The following OGG1 variants were observed in gnomAD, a reference collection of about 807,000 sequenced individuals.
OGG1 encodes the protein 8-oxoguanine DNA glycosylase, also known as N-glycosylase/DNA lyase.
In OGG1, 35 loss-of-function variants were observed where a neutral mutation model predicts 42.3. The observed-to-expected ratio is 0.83, with a 90% CI of 0.63 to 1.10. The LOEUF is 1.10. Ranked by LOEUF, OGG1 falls within the 50% of genes least tolerant of loss-of-function variation. OGG1 has a pLI of 0.00. For synonymous variants in OGG1, 189 were observed against 179.0 expected (o/e 1.06, Z -0.44); for missense variants, 484 against 446.7 (o/e 1.08, Z -0.75).
At chr3:9,760,504 G>GA, downstream of OGG1, 1 of 679,398 alleles carries the variant, frequency 1.5e-6, no homozygotes, top group Non-Finnish European at 2.6e-6. Flanking sequence ...CAAGCAGAAG[G>GA]AAGAAGGGGT....
chr3:9,761,406 G>A (rs1575232683), downstream of OGG1: 2 of 1,552,270 alleles, frequency 1.3e-6, no homozygotes. Flanking sequence ...AGAGAGGAAA[G>A]TAGGCGAGAG....
downstream of OGG1, chr3:9,757,484 G>T: frequency 6.2e-7 from 1 of 1,603,294 alleles, no homozygotes. This position sits in a 1 kb window ranked among gnomAD's most constrained non-coding sequence, Gnocchi z 4.5. Context: ...GGGAAGGGGA[G>T]CAGGCTGCCC....
exon 8 of OGG1, chr3:9,765,841 G>C (rs1442415037): frequency 1.2e-6 from 2 of 1,614,000 alleles, no homozygotes; most frequent in Non-Finnish European, 1.7e-6. Flanking sequence ...ATGGCCACCA[G>C]CTTCTGCGTC....
At chr3:9,766,227 A>C in exon 8 of OGG1, 1 of 722,178 alleles carries the variant, frequency 1.4e-6, no homozygotes, top group Non-Finnish European at 2.5e-6. Context: ...CTTGGGAATG[A>C]AATTAACACA....
At chr3:9,775,517 C>T (rs979909999) in intron 2 of OGG1, among the ~76,000 whole-genome samples, 3 of 152,158 alleles carry the variant, frequency 2.0e-5, no homozygotes, top group Non-Finnish European at 2.9e-5. Context: ...TCTGAGAGTG[C>T]TTTCTGCTCA....
chr3:9,762,600 G>C (rs1354882460), intron 7 of OGG1, among the ~76,000 whole-genome samples: 1 of 151,964 alleles, frequency 6.6e-6, no homozygotes, highest in African/African-American at 2.4e-5. Context: ...ACTGACCTCA[G>C]GTGATCCACC....
At chr3:9,775,214 G>C (rs1000011737) in intron 2 of OGG1, among the ~76,000 whole-genome samples, 1 of 151,822 alleles carries the variant, frequency 6.6e-6, no homozygotes, top group African/African-American at 2.4e-5. Flanking sequence ...ACTCCAGCCT[G>C]GGCAACAGAG....
At chr3:9,761,774 G>A, downstream of OGG1, 1 of 1,613,798 alleles carries the variant, frequency 6.2e-7, no homozygotes, top group Non-Finnish European at 8.5e-7. Flanking sequence ...GGGCAGGAGG[G>A]AAGAGAAGGG....
intron 2 of OGG1, chr3:9,780,544 G>T: frequency 6.2e-7 from 1 of 1,601,084 alleles, no homozygotes; most frequent in Non-Finnish European, 8.5e-7. Context: ...CTCCTCCTTT[G>T]CCAGCCTGTG....
intron 4 of OGG1, 31 bp downstream of exon 4, chr3:9,754,916 T>C: frequency 6.5e-7 from 1 of 1,546,034 alleles, no homozygotes; most frequent in Non-Finnish European, 8.8e-7. Flanking sequence ...AGCTGCCCTC[T>C]CTACTGACAC....
intron 2 of OGG1, among the ~76,000 whole-genome samples, chr3:9,772,625 A>G (rs758953564): frequency 2.0e-5 from 3 of 152,172 alleles, no homozygotes; most frequent in East Asian, 3.9e-4. Flanking sequence ...CCAATTTCCT[A>G]TCTCATTCTC....
downstream of OGG1, chr3:9,761,675 G>A (rs780569645): frequency 1.6e-5 from 26 of 1,614,000 alleles, no homozygotes; most frequent in South Asian, 1.4e-4. Context: ...CACACTGCCC[G>A]GGTCCTCCAT....
intron 3 of OGG1, among the ~76,000 whole-genome samples, chr3:9,753,852 G>A (rs2077418989): frequency 6.6e-6 from 1 of 152,232 alleles, no homozygotes; most frequent in Non-Finnish European, 1.5e-5. Context: ...AGAGCACGGC[G>A]TTAGCCAGGT....
At chr3:9,750,650 C>A (rs1559679379) in intron 1 of OGG1, 1 of 721,186 alleles carries the variant, frequency 1.4e-6, no homozygotes, top group East Asian at 2.7e-5. Context: ...ACTTGTTTTT[C>A]TTTTTTTGAG....
chr3:9,785,107 T>C (rs1411365371), intron 3 of OGG1, among the ~76,000 whole-genome samples: 1 of 152,190 alleles, frequency 6.6e-6, no homozygotes, highest in Admixed American at 6.5e-5. Flanking sequence ...ATTTGGGTTA[T>C]TTATGGTATG....
chr3:9,749,981 C>A lies in OGG1; in HGVS notation c.-306C>A. ...GTGCTGTGGTCTGCCCCTGGAGAAC[C>A]CAGAAGAACACAGCTGTGCGCGCCC... On this transcript the variant is annotated 5_prime_UTR_variant, in exon 1 of 7. Transcript: ENST00000344629. The A allele has an allele frequency of 1.2e-5, 5 of 427,356 alleles. No individual in the cohort carries two copies. In the South Asian group the frequency reaches 1.7e-4, roughly 15 times the overall value. The allele number at this position is 427,356 out of a possible 1,614,324, so 26.5% of individuals were successfully genotyped here.
chr3:9,775,679 G>A (rs974560604), intron 2 of OGG1, among the ~76,000 whole-genome samples: 15 of 148,578 alleles, frequency 1.0e-4, no homozygotes, highest in African/African-American at 2.2e-4. Flanking sequence ...TCACTCTGTC[G>A]CCCAGGCTTG....
At chr3:9,763,979 T>TC (rs746656760) in intron 7 of OGG1, among the ~76,000 whole-genome samples, 2 of 151,826 alleles carry the variant, frequency 1.3e-5, no homozygotes, top group African/African-American at 2.4e-5. Flanking sequence ...AGAGCAAAAC[T>TC]CCATCTCAAA....
At chr3:9,758,050 T>A (rs931239444), downstream of OGG1, 3 of 672,920 alleles carry the variant, frequency 4.5e-6, no homozygotes, top group African/African-American at 1.8e-5. Flanking sequence ...GTTAGATGTA[T>A]GTGTATCTAT....
Sources: gnomAD v4.1 joint callset for allele counts (sites outside exome capture counted in the v4.1 genomes callset) on GRCh38, gnomAD v4.1.1 for gene constraint, Gnocchi (gnomAD v3.1) non-coding constraint, MANE v1.5 for transcripts, NCBI Gene and HGNC (gene_info 2026-07-23, HGNC 2026-07-21) for gene names.